Variants in PDE1A observed in about 807,000 individuals in gnomAD.
PDE1A encodes dual specificity calcium/calmodulin-dependent 3',5'-cyclic nucleotide phosphodiesterase 1A.
In PDE1A, 35 loss-of-function variants were observed where a neutral mutation model predicts 61.7. The observed-to-expected ratio is 0.57, with a 90% CI of 0.43 to 0.75. The LOEUF is 0.75. Among genes scored for constraint, PDE1A ranks in the 30% least tolerant of loss-of-function variants. The pLI is 0.00. For synonymous variants in PDE1A, 232 were observed against 213.2 expected (o/e 1.09, Z -0.77); for missense variants, 597 against 630.6 (o/e 0.95, Z 0.57).
chr2:182,387,162 G>A (rs980973211), intron 1 of PDE1A, among the ~76,000 whole-genome samples: 1 of 152,136 alleles, frequency 6.6e-6, no homozygotes, highest in African/African-American at 2.4e-5. Flanking sequence ...TCCACTCAGG[G>A]TTAAATGGAT....
intron 1 of PDE1A, among the ~76,000 whole-genome samples, chr2:182,399,162 T>A (rs955051095): frequency 3.9e-5 from 6 of 152,132 alleles, no homozygotes; most frequent in South Asian, 2.1e-4. Flanking sequence ...TGGAGGACTA[T>A]GTTTATTACT....
chr2:182,201,872 A>C, intron 8 of PDE1A, 83 bp from the exon 9 acceptor site: 1 of 836,302 alleles, frequency 1.2e-6, no homozygotes, highest in Non-Finnish European at 2.0e-6. Flanking sequence ...ATCACTCACC[A>C]TGTTTTATAG....
At chr2:182,383,172 C>T (rs183793675) in intron 1 of PDE1A, among the ~76,000 whole-genome samples, 25 of 152,240 alleles carry the variant, frequency 1.6e-4, no homozygotes, top group Admixed American at 1.6e-3. Flanking sequence ...ACTGTCTGTG[C>T]TCTCTTTTCT....
intron 2 of PDE1A, among the ~76,000 whole-genome samples, chr2:182,245,163 C>G (rs921627387): frequency 1.3e-5 from 2 of 152,138 alleles, no homozygotes; most frequent in Non-Finnish European, 2.9e-5. Flanking sequence ...TGCCTGAAAG[C>G]CACAATCTCA....
chr2:182,439,049 T>A (rs893084019), intron 2 of PDE1A, among the ~76,000 whole-genome samples: 14 of 151,954 alleles, frequency 9.2e-5, no homozygotes, highest in Non-Finnish European at 1.6e-4. Context: ...TAGGTTATAG[T>A]GCATAATAAG....
intron 2 of PDE1A, among the ~76,000 whole-genome samples, chr2:182,258,076 G>A (rs1156702631): frequency 6.6e-6 from 1 of 151,964 alleles, no homozygotes; most frequent in Non-Finnish European, 1.5e-5. Context: ...GCTGAGGCAG[G>A]AGAATGGCAT....
chr2:182,206,820 T>C (rs77993219), intron 7 of PDE1A, among the ~76,000 whole-genome samples: 1,552 of 152,216 alleles, frequency 0.01, 25 homozygotes, highest in African/African-American at 0.035. Context: ...GATCTGGTGG[T>C]TTAAAAGCCT....
chr2:182,622,725 T>G, the PDE1A span, among the ~76,000 whole-genome samples: 1 of 152,096 alleles, frequency 6.6e-6, no homozygotes, highest in East Asian at 1.9e-4. Context: ...AAGGCTGAGC[T>G]AGATTTGATA....
In PDE1A at chr2:182,239,428, G is replaced by A. The variant is rs1690322229; in HGVS notation, c.350+682C>T. On this transcript the variant is annotated intron_variant, in intron 3 of 13. Coordinates refer to ENST00000351439, the Ensembl canonical transcript of PDE1A. ...AAATGTCTATTTTGGCGAGTCTTTT[G>A]TAGTTTTAGTTCTAGGAAATATCTT... is the stretch of plus-strand genomic sequence containing the variant. 2.6e-5 allele frequency among the ~76,000 whole-genome samples: 4 copies of A among 152,076 alleles called. No homozygotes were observed. In the South Asian group the frequency reaches 8.3e-4, roughly 32 times the overall value.
chr2:182,496,391 T>C (rs1688716088), intron 2 of PDE1A, among the ~76,000 whole-genome samples: 1 of 152,246 alleles, frequency 6.6e-6, no homozygotes, highest in Non-Finnish European at 1.5e-5. Context: ...ATCTTTTTTA[T>C]TATTATTTTC....
intron 2 of PDE1A, among the ~76,000 whole-genome samples, chr2:182,440,959 T>C (rs1205912496): frequency 1.3e-5 from 2 of 152,096 alleles, no homozygotes; most frequent in Non-Finnish European, 2.9e-5. Flanking sequence ...GCATGTGTAC[T>C]AGTCCATTCT....
At chr2:182,261,848 T>C (rs1315158763) in intron 2 of PDE1A, among the ~76,000 whole-genome samples, 3 of 152,216 alleles carry the variant, frequency 2.0e-5, no homozygotes, top group African/African-American at 4.8e-5. Context: ...CATTATGCCA[T>C]TAGAAGATGA....
the PDE1A span, among the ~76,000 whole-genome samples, chr2:182,710,486 C>T: frequency 6.6e-6 from 1 of 152,164 alleles, no homozygotes; most frequent in Non-Finnish European, 1.5e-5. Context: ...AAAGTTTGTT[C>T]TTTTTGACTA....
At chr2:182,515,942 G>A (rs1416665195) in intron 2 of PDE1A, among the ~76,000 whole-genome samples, 2 of 136,388 alleles carry the variant, frequency 1.5e-5, no homozygotes, top group Non-Finnish European at 3.1e-5. Flanking sequence ...GATTGTGCGT[G>A]TGTGTGTGTT....
chr2:182,561,556 T>A, the PDE1A span, among the ~76,000 whole-genome samples: 1 of 152,188 alleles, frequency 6.6e-6, no homozygotes. Context: ...TTTGGTTCCA[T>A]ATGAACTTTA....
At chr2:182,699,604 T>C in the PDE1A span, among the ~76,000 whole-genome samples, 30 of 152,300 alleles carry the variant, frequency 2.0e-4, no homozygotes, top group East Asian at 5.0e-3. Flanking sequence ...AGTTAGAGTA[T>C]GTAGAATTTT....
At chr2:182,417,646 C>T (rs764204991) in intron 1 of PDE1A, among the ~76,000 whole-genome samples, 2 of 152,112 alleles carry the variant, frequency 1.3e-5, no homozygotes, top group African/African-American at 2.4e-5. Flanking sequence ...AAAAAAATAG[C>T]TTATATTTCC....
chr2:182,273,902 A>G (rs559924881), intron 1 of PDE1A, among the ~76,000 whole-genome samples: 1 of 152,218 alleles, frequency 6.6e-6, no homozygotes, highest in South Asian at 2.1e-4. Context: ...GGTATATTAG[A>G]CCAAACAAAA....
the PDE1A span, among the ~76,000 whole-genome samples, chr2:182,560,029 G>A: frequency 6.6e-6 from 1 of 151,616 alleles, no homozygotes; most frequent in African/African-American, 2.4e-5. Context: ...CATTTTCTTG[G>A]TGGCAGAGGG....
Sources: gnomAD v4.1 joint callset for allele counts (sites outside exome capture counted in the v4.1 genomes callset) on GRCh38, gnomAD v4.1.1 for gene constraint, MANE v1.5 for transcripts, NCBI Gene and HGNC (gene_info 2026-07-23, HGNC 2026-07-21) for gene names.